The following STRBP variants were observed in gnomAD, a reference collection of about 807,000 sequenced individuals.
STRBP encodes the protein spermatid perinuclear RNA binding protein.
In STRBP, 13 loss-of-function variants were observed where a neutral mutation model predicts 80.1. That is an observed-to-expected ratio of 0.16 (90% CI 0.11 to 0.26). STRBP has a LOEUF of 0.26. STRBP is among the 10% of genes least tolerant of loss of function. STRBP has a pLI of 1.00. For missense variants in STRBP, 485 were observed against 815.2 expected (o/e 0.59, Z 4.93); for synonymous variants, 284 against 291.2 (o/e 0.98, Z 0.25).
At chr9:123,189,913 T>A (rs1405016137) in intron 2 of STRBP, among the ~76,000 whole-genome samples, 1 of 151,974 alleles carries the variant, frequency 6.6e-6, no homozygotes, top group Non-Finnish European at 1.5e-5. Context: ...AGTAAATATA[T>A]ATTTATTAAT....
chr9:123,248,575 AT>A (rs956238093), intron 1 of STRBP, among the ~76,000 whole-genome samples: 3 of 152,106 alleles, frequency 2.0e-5, no homozygotes, highest in Non-Finnish European at 4.4e-5. Context: ...CAGCCGAATT[AT>A]TTTTTTAAGG....
rs2035762965 is a variant in STRBP at position 123,122,471 on chromosome 9, C to G, written c.*3126G>C. ...AAAAAAAAAAAAGAAAAGGCCAATACCAGCAAAATCTCTCAGTGGTTTGTT... is the reference window on the plus strand; with the variant it reads ...AAAAAAAAAAAAGAAAAGGCCAATAGCAGCAAAATCTCTCAGTGGTTTGTT... On this transcript the variant is annotated 3_prime_UTR_variant, in exon 19 of 19. Transcript: ENST00000348403. 3 of 1,200,792 alleles carry G rather than the reference C, an allele frequency of 2.5e-6. No homozygotes were observed. The highest frequency in any genetic ancestry group is 1.6e-5 in the South Asian group (1 of 63,512). 74.4% of individuals were successfully genotyped at this position (1,200,792 alleles called of 1,614,324 possible). A position where few individuals can be genotyped will look rare whatever the true frequency, so the allele number is the denominator to read the frequency against.
rs1225784173 is a variant in STRBP at position 123,122,358 on chromosome 9, TA to T, written c.*3238del. 2 of 1,287,134 alleles carry T rather than the reference TA, an allele frequency of 1.6e-6. No homozygotes were observed. The highest frequency in any genetic ancestry group is 3.0e-5 in the African/African-American group (2 of 65,682). The allele number at this position is 1,287,134 out of a possible 1,614,324, so 79.7% of individuals were successfully genotyped here. A position where few individuals can be genotyped will look rare whatever the true frequency, so the allele number is the denominator to read the frequency against. On this transcript the variant is annotated 3_prime_UTR_variant, in exon 19 of 19. Transcript: ENST00000348403. ...TACACAGAGGGTCCAACACCAGTTTTAAAAATACATTAACGAGGTATTCCCA... is the reference window on the plus strand; with the variant it reads ...TACACAGAGGGTCCAACACCAGTTTTAAAATACATTAACGAGGTATTCCCA...
rs551995138 is a variant in STRBP at position 123,229,058 on chromosome 9, T to C, written c.-165+7772A>G. Among the ~76,000 whole-genome samples, 8 of 152,338 alleles carry C rather than the reference T, an allele frequency of 5.3e-5. No individual in the cohort carries two copies. In the East Asian group the frequency reaches 9.6e-4, roughly 18 times the overall value. On this transcript the variant is annotated intron_variant, in intron 2 of 18. Coordinates refer to ENST00000348403, the MANE Select transcript of STRBP (RefSeq NM_018387.5). ...ATACGCATGAACCTTGAAAACATTA[T>C]GCTAAGGGAAAGAAGCTAGTCACAA... is the stretch of plus-strand genomic sequence containing the variant.
chr9:123,161,169 G>A (rs1432712685), intron 6 of STRBP, 101 bp from the exon 7 acceptor site: 3 of 925,458 alleles, frequency 3.2e-6, no homozygotes, highest in South Asian at 1.7e-5. Context: ...CAGCATTTGA[G>A]TGAACTAATA....
intron 4 of STRBP, among the ~76,000 whole-genome samples, chr9:123,174,899 C>T (rs1013381387): frequency 6.6e-6 from 1 of 152,096 alleles, no homozygotes; most frequent in African/African-American, 2.4e-5. Flanking sequence ...TAAGTTTAAC[C>T]GTCTTTCAAC....
intron 5 of STRBP, 43 bp downstream of exon 5, chr9:123,173,612 TCAAAGTCACTACCTATTTCACC>T: frequency 6.6e-7 from 1 of 1,516,488 alleles, no homozygotes. Flanking sequence ...AATAATTTTT[TCAAAGTCACTACCTATTTCACC>T]TTTTTACAAA....
In STRBP at chr9:123,110,736, G is replaced by A. The variant is rs897047895; in HGVS notation, c.*85-983C>T. 5.3e-5 allele frequency: 9 copies of A among 169,176 alleles called. No individual in the cohort carries two copies. The highest frequency in any genetic ancestry group is 2.0e-4 in the South Asian group (1 of 4,920). 10.5% of individuals were successfully genotyped at this position (169,176 alleles called of 1,614,324 possible). A position where few individuals can be genotyped will look rare whatever the true frequency, so the allele number is the denominator to read the frequency against. On this transcript the variant is annotated intron_variant and NMD_transcript_variant, in intron 3 of 3. Transcript: ENST00000471564. The surrounding 1 kb of genome is among the most constrained non-coding windows in gnomAD (Gnocchi z 4.1). ...CTACCCTTGGTTCCTGGGAGATGGA[G>A]AGAGCGAGGCCCTCTGGTCGGAGGC... is the stretch of plus-strand genomic sequence containing the variant.
chr9:123,128,149 G>A, intron 18 of STRBP, 65 bp downstream of exon 18: 1 of 1,581,592 alleles, frequency 6.3e-7, no homozygotes, highest in Non-Finnish European at 8.7e-7. Context: ...ACCCTAGATA[G>A]AAACTGTGCT....
intron 11 of STRBP, 137 bp downstream of exon 11, chr9:123,157,874 AT>A: frequency 1.5e-6 from 1 of 677,820 alleles, no homozygotes; most frequent in Non-Finnish European, 2.6e-6. Flanking sequence ...GCCAACCTAT[AT>A]CAGTCAGGAA....
chr9:123,178,704 T>G (rs1297152483), intron 4 of STRBP, among the ~76,000 whole-genome samples: 1 of 152,190 alleles, frequency 6.6e-6, no homozygotes, highest in African/African-American at 2.4e-5. Context: ...TTTAGGAGGC[T>G]GAATCAACAC....
chr9:123,147,163 T>C (rs2036845770), intron 12 of STRBP, 109 bp from the exon 13 acceptor site: 1 of 779,338 alleles, frequency 1.3e-6, no homozygotes, highest in Non-Finnish European at 2.0e-6. Flanking sequence ...TTTTTTTAAA[T>C]GAGGATTTCA....
At chr9:123,118,001 A>G (rs1226349449), downstream of STRBP, among the ~76,000 whole-genome samples, 3 of 152,214 alleles carry the variant, frequency 2.0e-5, no homozygotes, top group East Asian at 5.8e-4. Flanking sequence ...AGGCCAGGTT[A>G]TCTGATCTGG....
intron 3 of STRBP, among the ~76,000 whole-genome samples, chr9:123,183,314 T>G (rs1287972738): frequency 6.6e-6 from 1 of 151,812 alleles, no homozygotes; most frequent in Non-Finnish European, 1.5e-5. Flanking sequence ...CGGGCACCTA[T>G]AATCCCAGCT....
chr9:123,260,608 A>AG (rs980725409), intron 1 of STRBP, among the ~76,000 whole-genome samples: 2 of 152,204 alleles, frequency 1.3e-5, no homozygotes, highest in Non-Finnish European at 2.9e-5. Context: ...TTGTTAATTT[A>AG]GGGGGTTAAA....
intron 13 of STRBP, 24 bp downstream of exon 13, chr9:123,146,831 T>G: frequency 1.3e-6 from 2 of 1,566,364 alleles, no homozygotes; most frequent in Non-Finnish European, 8.7e-7. Flanking sequence ...AAGAAAGCAT[T>G]GCAAAGTAAA....
intron 11 of STRBP, among the ~76,000 whole-genome samples, chr9:123,156,504 C>G (rs2037290929): frequency 1.3e-5 from 2 of 152,016 alleles, no homozygotes; most frequent in South Asian, 4.1e-4. Context: ...AAGTGCTATG[C>G]TTTGTGGGTA....
At position 123,115,072 on chromosome 9, in the gene STRBP, C is replaced by A. The variant is rs986952154; in HGVS notation, c.*84+857G>T. On this transcript the variant is annotated intron_variant and NMD_transcript_variant, in intron 3 of 3. Transcript: ENST00000471564. The surrounding 1 kb of genome is among the most constrained non-coding windows in gnomAD (Gnocchi z 5.0). ...ACTCACTATTGTGGACAATGGTCAT[C>A]ATTGAAGGACACACCACCCAGGGCC... The A allele has an allele frequency of 1.5e-4, 58 of 398,932 alleles. No individual in the cohort carries two copies. Among genetic ancestry groups the A allele is most frequent in the Non-Finnish European group, 2.8e-4 (53 of 190,490 alleles). The allele number at this position is 398,932 out of a possible 1,614,324, so 24.7% of individuals were successfully genotyped here.
chr9:123,123,480 G>A lies in STRBP; in HGVS notation c.*2117C>T. The stretch of plus-strand genomic sequence containing the variant: ...AAGCAGAGAAATGTAAAAGTTTGCA[G>A]CAACTGGGCAGGTTTACAACATGGT... On this transcript the variant is annotated 3_prime_UTR_variant, in exon 19 of 19. Transcript: ENST00000348403. 3.1e-6 allele frequency: 3 copies of A among 983,460 alleles called. No individual in the cohort carries two copies. The highest frequency in any genetic ancestry group is 3.6e-6 in the Non-Finnish European group (3 of 829,736). The allele number at this position is 983,460 out of a possible 1,614,324, so 60.9% of individuals were successfully genotyped here. A position where few individuals can be genotyped will look rare whatever the true frequency, so the allele number is the denominator to read the frequency against.
Sources: allele counts gnomAD v4.1 joint callset (sites outside exome capture counted in the v4.1 genomes callset), GRCh38; gene constraint gnomAD v4.1.1; non-coding constraint Gnocchi (gnomAD v3.1); transcripts MANE v1.5; gene names NCBI Gene and HGNC (gene_info 2026-07-23, HGNC 2026-07-21).